Variants in FRMD5 observed in about 807,000 individuals in gnomAD.
FRMD5 encodes FERM domain-containing protein 5.
FRMD5 carries 20 observed loss-of-function variants against 69.0 expected under a neutral mutation model. That is an observed-to-expected ratio of 0.29 (90% confidence interval 0.20 to 0.42). The LOEUF (loss-of-function observed/expected upper bound fraction) is 0.42, where lower values mean the gene tolerates loss of function less well. Among genes scored for constraint, FRMD5 ranks in the 10% least tolerant of loss-of-function variants. FRMD5 has a pLI of 1.00. For missense variants in FRMD5, 595 were observed against 708.6 expected (o/e 0.84, Z 1.82); for synonymous variants, 271 against 260.1 (o/e 1.04, Z -0.40).
At position 44,053,213 on chromosome 15, in the gene FRMD5, C is replaced by G. The variant is rs570264299; in HGVS notation, c.103-128904G>C. Among the ~76,000 whole-genome samples the G allele has an allele frequency of 4.6e-5, 7 of 152,228 alleles. No individual in the cohort carries two copies. The East Asian group carries it at 1.3e-3, about 29-fold the overall frequency. On this transcript the variant is annotated intron_variant, in intron 1 of 13. Transcript: ENST00000417257. The stretch of plus-strand genomic sequence containing the variant: ...AGAGAATGTGGTACATTAAAAAGCT[C>G]AGAGAGTTAGGGGGATACTGGCAAA...
chr15:44,066,473 A>G (rs1893315517), intron 1 of FRMD5, among the ~76,000 whole-genome samples: 1 of 152,180 alleles, frequency 6.6e-6, no homozygotes, highest in South Asian at 2.1e-4. Context: ...TAAATTTTAC[A>G]CAGAATTTCC....
At chr15:44,061,905 T>C (rs1893103664) in intron 1 of FRMD5, among the ~76,000 whole-genome samples, 1 of 152,220 alleles carries the variant, frequency 6.6e-6, no homozygotes. Context: ...ACATGCTTGC[T>C]GAACAAATGA....
chr15:44,072,073 C>T (rs1893564708), intron 1 of FRMD5, among the ~76,000 whole-genome samples: 1 of 152,136 alleles, frequency 6.6e-6, no homozygotes, highest in South Asian at 2.1e-4. Flanking sequence ...ACCATGTTGG[C>T]CAGGCTGGTC....
chr15:44,139,291 C>G (rs1758694584), intron 1 of FRMD5, among the ~76,000 whole-genome samples: 1 of 142,472 alleles, frequency 7.0e-6, no homozygotes, highest in Non-Finnish European at 1.5e-5. Context: ...ATAGCTCCCC[C>G]TCTCTCTACA....
chr15:43,920,210 C>G (rs2089469291), intron 2 of FRMD5, among the ~76,000 whole-genome samples: 1 of 152,090 alleles, frequency 6.6e-6, no homozygotes, highest in Admixed American at 6.5e-5. Flanking sequence ...CTGTTATGCA[C>G]CAGCTTTTTT....
chr15:44,025,416 G>A (rs1179245458), intron 1 of FRMD5, among the ~76,000 whole-genome samples: 1 of 152,000 alleles, frequency 6.6e-6, no homozygotes, highest in East Asian at 1.9e-4. Flanking sequence ...ATGCATGGGA[G>A]AATGTACACA....
Position 44,069,398 on chromosome 15 carries a change from C to A in FRMD5, c.102+125555G>T, listed in dbSNP as rs1595690668. 2.0e-5 allele frequency among the ~76,000 whole-genome samples: 3 copies of A among 152,144 alleles called. No homozygotes were observed. The South Asian group carries it at 6.2e-4, about 32-fold the overall frequency. ...CACAAATGTTCATAACAGCTTTATT[C>A]ATAATAGCTGAAAACTGGAAGCAAT... is the stretch of plus-strand genomic sequence containing the variant. On this transcript the variant is annotated intron_variant, in intron 1 of 13. Transcript: ENST00000417257.
At chr15:43,988,805 C>A (rs1242119440) in intron 1 of FRMD5, among the ~76,000 whole-genome samples, 1 of 152,106 alleles carries the variant, frequency 6.6e-6, no homozygotes, top group Non-Finnish European at 1.5e-5. Context: ...TGTAACAACA[C>A]ATCTCACGAT....
intron 1 of FRMD5, among the ~76,000 whole-genome samples, chr15:43,950,448 A>G (rs1461752502): frequency 6.6e-6 from 1 of 152,218 alleles, no homozygotes; most frequent in Non-Finnish European, 1.5e-5. Flanking sequence ...AAAGCTGATG[A>G]CAAGTCCTTG....
chr15:44,175,595 G>A (rs917709124), intron 1 of FRMD5, among the ~76,000 whole-genome samples: 2 of 152,124 alleles, frequency 1.3e-5, no homozygotes, highest in East Asian at 3.9e-4. Flanking sequence ...TATACAACTA[G>A]TAACTCTACT....
At position 44,026,394 on chromosome 15, in the gene FRMD5, C is replaced by T. The variant is rs138235065; in HGVS notation, c.103-102085G>A. 2.9e-3 allele frequency among the ~76,000 whole-genome samples: 443 copies of T among 152,360 alleles called. 2 individuals are homozygous for T. The highest frequency in any genetic ancestry group is 0.01 in the African/African-American group (422 of 41,586). ...TTCTACGATTTAAAATAGCATTTGA[C>T]TGTATTAAAATACACTAGATTAACT... On this transcript the variant is annotated intron_variant, in intron 1 of 13. Coordinates refer to ENST00000417257, the MANE Select transcript of FRMD5 (RefSeq NM_032892.5).
At chr15:44,033,859 GAATT>G (rs923742385) in intron 1 of FRMD5, among the ~76,000 whole-genome samples, 8 of 152,148 alleles carry the variant, frequency 5.3e-5, no homozygotes, top group African/African-American at 1.9e-4. Flanking sequence ...AGATTCGTAA[GAATT>G]AAATAAGATC....
chr15:44,195,487 C>T (rs1318705135), upstream of FRMD5, among the ~76,000 whole-genome samples: 1 of 152,230 alleles, frequency 6.6e-6, no homozygotes, highest in African/African-American at 2.4e-5. Flanking sequence ...ACGAGGGGTT[C>T]CTCTCCGCCC....
chr15:43,932,336 T>C (rs1409957806), intron 1 of FRMD5, among the ~76,000 whole-genome samples: 3 of 152,228 alleles, frequency 2.0e-5, no homozygotes, highest in Non-Finnish European at 2.9e-5. Context: ...TTTGGAAATA[T>C]GCCCAAAGTG....
chr15:44,089,387 A>G lies in FRMD5; in HGVS notation c.102+105566T>C, dbSNP rs950981105. On this transcript the variant is annotated intron_variant, in intron 1 of 13. Transcript: ENST00000417257. The stretch of plus-strand genomic sequence containing the variant: ...GTACCAGAGTTTCCAGGAGATAAAC[A>G]GGCATGTCTGCTTGTCCTTTAAAAA... 7.2e-5 allele frequency among the ~76,000 whole-genome samples: 11 copies of G among 152,262 alleles called. No individual in the cohort carries two copies. In the East Asian group the frequency reaches 2.1e-3, roughly 29 times the overall value.
At chr15:44,134,765 T>G (rs899835659) in intron 1 of FRMD5, among the ~76,000 whole-genome samples, 2 of 152,166 alleles carry the variant, frequency 1.3e-5, no homozygotes, top group African/African-American at 4.8e-5. Flanking sequence ...AGGTGTACTT[T>G]AGCTAGTCAG....
intron 7 of FRMD5, 79 bp downstream of exon 7, chr15:43,902,096 A>T: frequency 1.0e-6 from 1 of 998,654 alleles, no homozygotes; most frequent in Non-Finnish European, 1.6e-6. Flanking sequence ...GGGGCCTCTG[A>T]GCGCAGGCAT....
chr15:43,874,303 G>A lies in FRMD5; in HGVS notation c.1295C>T (p.Pro432Leu). Reference sequence around the variant, plus strand: ...CAGGCTGTGCTCAGCCACAGGGGTGGGCAGCACGCTGTCTGCAGGGCTGTA... The same window carrying A: ...CAGGCTGTGCTCAGCCACAGGGGTGAGCAGCACGCTGTCTGCAGGGCTGTA... ...EAYSPADSVL[P>L]TPVAEHSLEL... Residue 432 changes from proline to leucine, a missense_variant, in exon 14 of 14, where the codon CCC becomes CTC. By Grantham distance (98) the Pro-to-Leu change is moderately conservative (BLOSUM62 -3). Around this residue, in one of 5 missense-constraint regions of FRMD5, gnomAD observed 245 missense variants for 227.1 expected, o/e 1.08. Coordinates refer to ENST00000417257, the MANE Select transcript of FRMD5 (RefSeq NM_032892.5). 6.2e-7 allele frequency: 1 copy of A among 1,614,174 alleles called. No homozygotes were observed.
intron 5 of FRMD5, among the ~76,000 whole-genome samples, chr15:43,908,261 G>A (rs1297301166): frequency 2.7e-5 from 4 of 150,442 alleles, no homozygotes; most frequent in Admixed American, 1.3e-4. Flanking sequence ...CCAGGAGGTG[G>A]AGGTTGCAGT....
Sources: gnomAD v4.1 joint callset for allele counts (sites outside exome capture counted in the v4.1 genomes callset) on GRCh38, gnomAD v4.1.1 for gene constraint, gnomAD v4.1.1 regional missense constraint, MANE v1.5 for transcripts, NCBI Gene and HGNC (gene_info 2026-07-23, HGNC 2026-07-21) for gene names.